LTBP1: variants seen among roughly 807,000 people sequenced by gnomAD.
LTBP1 encodes latent transforming growth factor beta binding protein 1.
LTBP1 carries 129 observed loss-of-function variants against 207.6 expected under a neutral mutation model. The observed-to-expected ratio is 0.62, with a 90% confidence interval of 0.54 to 0.72. The LOEUF (loss-of-function observed/expected upper bound fraction) is 0.72, where lower values mean the gene tolerates loss of function less well. LTBP1 is among the 30% of genes least tolerant of loss of function. The pLI is 0.00. For synonymous variants in LTBP1, 963 were observed against 833.7 expected (o/e 1.16, Z -2.67); for missense variants, 2,281 against 2,217.2 (o/e 1.03, Z -0.58).
intron 5 of LTBP1, among the ~76,000 whole-genome samples, chr2:33,181,998 CAAT>C (rs1197906957): frequency 1.3e-5 from 2 of 152,124 alleles, no homozygotes; most frequent in Admixed American, 6.5e-5. Flanking sequence ...ACAAAGGGTT[CAAT>C]ACATACTTAT....
At chr2:33,344,648 C>T (rs2094677354) in intron 25 of LTBP1, among the ~76,000 whole-genome samples, 1 of 152,150 alleles carries the variant, frequency 6.6e-6, no homozygotes, top group Non-Finnish European at 1.5e-5. Context: ...TTCCAGAGCA[C>T]CTTCAGCAAA....
In LTBP1 at chr2:33,138,447, CT is replaced by C. The variant is rs200975479; in HGVS notation, c.1201+3500del. Among the ~76,000 whole-genome samples the C allele has an allele frequency of 7.3e-3, 1,065 of 145,426 alleles. 9 individuals carry two copies. The highest frequency in any genetic ancestry group is 0.042 in the East Asian group (210 of 5,014). On this transcript the variant is annotated intron_variant, in intron 5 of 33. Coordinates refer to ENST00000404816, the MANE Select transcript of LTBP1 (RefSeq NM_206943.4). ...TGAAGCAGGTTTCTAATGATAATGA[CT>C]TTTTTTTTTTTTGAGCTCAGCCTTG...
chr2:33,040,522 T>C (rs2076132349), intron 3 of LTBP1, among the ~76,000 whole-genome samples: 1 of 152,180 alleles, frequency 6.6e-6, no homozygotes, highest in South Asian at 2.1e-4. Flanking sequence ...GAACCTAAAC[T>C]CATTTCAAAG....
At chr2:33,215,105 C>T (rs1018338162) in intron 7 of LTBP1, among the ~76,000 whole-genome samples, 3 of 151,988 alleles carry the variant, frequency 2.0e-5, no homozygotes, top group African/African-American at 7.3e-5. Flanking sequence ...CATTTGGGGC[C>T]TCAAATGGGA....
chr2:33,044,043 T>C (rs2076323849), intron 3 of LTBP1, among the ~76,000 whole-genome samples: 1 of 151,980 alleles, frequency 6.6e-6, no homozygotes, highest in African/African-American at 2.4e-5. Flanking sequence ...TGTTCGTTTT[T>C]TTTTTTTCTT....
intron 7 of LTBP1, among the ~76,000 whole-genome samples, chr2:33,216,847 C>T (rs2090748700): frequency 6.6e-6 from 1 of 152,218 alleles, no homozygotes; most frequent in Non-Finnish European, 1.5e-5. Context: ...TGTGGTTGAC[C>T]AGGAGTCTTA....
chr2:33,300,652 G>T (rs1008742594), intron 21 of LTBP1, 79 bp downstream of exon 21: 1 of 1,433,464 alleles, frequency 7.0e-7, no homozygotes, highest in Non-Finnish European at 9.4e-7. Flanking sequence ...AATCAAGTGA[G>T]TTTACCTTTT....
At chr2:33,366,803 C>T (rs1231909051) in intron 31 of LTBP1, among the ~76,000 whole-genome samples, 1 of 152,108 alleles carries the variant, frequency 6.6e-6, no homozygotes, top group Non-Finnish European at 1.5e-5. Flanking sequence ...GCAGATGCCA[C>T]GGGGAGATAA....
chr2:33,142,058 C>T (rs1282312771), intron 5 of LTBP1, among the ~76,000 whole-genome samples: 2 of 151,310 alleles, frequency 1.3e-5, no homozygotes, highest in East Asian at 1.9e-4. Flanking sequence ...CTTTCTTCAG[C>T]ATTCTTTTTT....
At chr2:33,273,980 T>C (rs898038245) in intron 16 of LTBP1, among the ~76,000 whole-genome samples, 199 bp downstream of exon 16, 2 of 152,190 alleles carry the variant, frequency 1.3e-5, no homozygotes, top group African/African-American at 4.8e-5. Context: ...TCAACATTTG[T>C]TTACCTCGCA....
At chr2:33,318,146 A>C (rs73925683) in intron 24 of LTBP1, among the ~76,000 whole-genome samples, 3,115 of 152,022 alleles carry the variant, frequency 0.02, 86 homozygotes, top group African/African-American at 0.063. Flanking sequence ...ACCACCCCCC[A>C]AAAAAAATCC....
intron 3 of LTBP1, among the ~76,000 whole-genome samples, chr2:33,052,044 AC>A (rs973196032): frequency 1.3e-5 from 2 of 152,194 alleles, no homozygotes; most frequent in African/African-American, 4.8e-5. Flanking sequence ...ATAGTCATTG[AC>A]TTTTAGGGTT....
At chr2:33,393,148 G>A (rs2095329423) in intron 32 of LTBP1, among the ~76,000 whole-genome samples, 1 of 150,396 alleles carries the variant, frequency 6.6e-6, no homozygotes, top group Admixed American at 6.6e-5. Flanking sequence ...ACATCACCTA[G>A]GTGTGAAGCC....
chr2:33,347,395 G>A lies in LTBP1; in HGVS notation c.3885G>A (p.Gly1295=), dbSNP rs1190183088. The A allele has an allele frequency of 2.5e-6, 4 of 1,614,154 alleles. No individual in the cohort carries two copies. In the South Asian group the frequency reaches 4.4e-5, roughly 18 times the overall value. The stretch of plus-strand genomic sequence containing the variant: ...TGAATGAATGTGAACTGCTCAGTGG[G>A]GTGTGTGGTGAAGCCTTCTGTGAAA... ...VDVNECELLS[G]VCGEAFCENV... Residue 1295 remains glycine (G), a synonymous_variant, in exon 26 of 34, where the codon GGG becomes GGA. Transcript: ENST00000404816.
At chr2:33,009,005 A>T (rs949172912) in intron 2 of LTBP1, among the ~76,000 whole-genome samples, 2 of 152,184 alleles carry the variant, frequency 1.3e-5, no homozygotes, top group African/African-American at 4.8e-5. Context: ...CATGGGAGAG[A>T]TGGCAGAGGT....
chr2:32,952,465 G>A (rs1439140973), intron 2 of LTBP1, among the ~76,000 whole-genome samples: 5 of 152,130 alleles, frequency 3.3e-5, no homozygotes, highest in Non-Finnish European at 5.9e-5. Flanking sequence ...AGTTAATATT[G>A]GATGACTCTT....
At chr2:33,262,973 A>G in intron 14 of LTBP1, 152 bp downstream of exon 14, 1 of 543,342 alleles carries the variant, frequency 1.8e-6, no homozygotes, top group Non-Finnish European at 3.2e-6. Context: ...TAATGTTAGC[A>G]TAATTACAGC....
intron 26 of LTBP1, among the ~76,000 whole-genome samples, chr2:33,348,470 A>G (rs1173827092): frequency 1.3e-5 from 2 of 152,200 alleles, no homozygotes; most frequent in African/African-American, 4.8e-5. Flanking sequence ...ATTTCTCTTC[A>G]TTCAAGTGAC....
At chr2:33,273,081 T>C (rs1362132931) in intron 15 of LTBP1, among the ~76,000 whole-genome samples, 1 of 152,176 alleles carries the variant, frequency 6.6e-6, no homozygotes, top group Non-Finnish European at 1.5e-5. Context: ...ATAAAATATG[T>C]TCATTTTGAA....
Sources: gnomAD v4.1 joint callset for allele counts (sites outside exome capture counted in the v4.1 genomes callset) on GRCh38, gnomAD v4.1.1 for gene constraint, MANE v1.5 for transcripts, NCBI Gene and HGNC (gene_info 2026-07-23, HGNC 2026-07-21) for gene names.